Variants in ZFAT observed in about 807,000 individuals in gnomAD.
ZFAT encodes zinc finger and AT-hook domain containing.
In ZFAT, 64 loss-of-function variants were observed where a neutral mutation model predicts 117.7. The ratio of observed to expected loss-of-function variants is 0.54; its 90% CI spans 0.44 to 0.67. The LOEUF (loss-of-function observed/expected upper bound fraction) is 0.67, where lower values mean the gene tolerates loss of function less well. Ranked by LOEUF, ZFAT falls within the 30% of genes least tolerant of loss-of-function variation. The pLI, the probability that ZFAT is intolerant of heterozygous loss-of-function variation, is 0.00. For synonymous variants in ZFAT, 679 were observed against 615.0 expected, an observed-to-expected ratio of 1.10 and a Z score of -1.54; for missense variants, 1,433 against 1,584.5, an observed-to-expected ratio of 0.90 and a Z score of 1.62.
chr8:134,710,817 A>G (rs1207529329), intron 1 of ZFAT, among the ~76,000 whole-genome samples: 2 of 152,234 alleles, frequency 1.3e-5, no homozygotes, highest in Non-Finnish European at 1.5e-5. Flanking sequence ...TCAGCCACAC[A>G]TATGGGCAAT....
In ZFAT at chr8:134,702,008, C is replaced by G. The variant is rs543825649; in HGVS notation, c.19+10837G>C. On this transcript the variant is annotated intron_variant, in intron 1 of 15. Coordinates refer to ENST00000377838, the MANE Select transcript of ZFAT (RefSeq NM_020863.4). ...TTAATGGGTTATGATGGGAGTAGAACTGGTGGCTTTATAAGAAGAGGAAAA... is the reference window on the plus strand; with the variant it reads ...TTAATGGGTTATGATGGGAGTAGAAGTGGTGGCTTTATAAGAAGAGGAAAA... Among the ~76,000 whole-genome samples, 22 of 152,292 alleles carry G rather than the reference C, an allele frequency of 1.4e-4. No individual in the cohort carries two copies. In the South Asian group the frequency reaches 4.6e-3, roughly 32 times the overall value.
rs1273063812 is a variant in ZFAT at position 134,657,679 on chromosome 8, T to A, written c.78A>T (p.Glu26Asp). Reference sequence around the variant, plus strand: ...GCTTCTCTGAAACGTGGGAGAGGAGTTCCGACTGATTTGGTGAGAAGAGGT... The same window carrying A: ...GCTTCTCTGAAACGTGGGAGAGGAGATCCGACTGATTTGGTGAGAAGAGGT... ...CCNLFSPNQS[E>D]LLSHVSEKHM... Residue 26 changes from glutamate (E) to aspartate (D), a missense_variant, in exon 2 of 16, where the codon GAA (glutamate) becomes GAT (aspartate). Glu to Asp is a conservative substitution (Grantham distance 45). Around this residue, in one of 5 missense-constraint regions of ZFAT, gnomAD observed 436 missense variants for 482.0 expected, o/e 0.90. Coordinates refer to ENST00000377838, the MANE Select transcript of ZFAT (RefSeq NM_020863.4). 4 of 1,613,816 alleles carry A rather than the reference T, an allele frequency of 2.5e-6. No homozygotes were observed. In the African/African-American group the frequency reaches 5.3e-5, roughly 22 times the overall value.
intron 15 of ZFAT, among the ~76,000 whole-genome samples, chr8:134,486,177 G>T (rs535713873): frequency 4.4e-4 from 67 of 152,324 alleles, no homozygotes; most frequent in South Asian, 8.3e-4. Flanking sequence ...TACTGGGTTT[G>T]CATCCCTTTG....
At chr8:134,571,363 C>A (rs1217155496) in intron 10 of ZFAT, among the ~76,000 whole-genome samples, 1 of 152,170 alleles carries the variant, frequency 6.6e-6, no homozygotes, top group Non-Finnish European at 1.5e-5. Context: ...GAACACAGCA[C>A]TGGGAAGAAG....
the ZFAT span, among the ~76,000 whole-genome samples, chr8:134,771,930 T>C: frequency 0.46 from 69,834 of 151,800 alleles, 16,818 homozygotes; most frequent in African/African-American, 0.61. Flanking sequence ...AAAGAGAGAG[T>C]TTGTTCAGTG....
intron 12 of ZFAT, 38 bp from the exon 13 acceptor site, chr8:134,521,039 C>T (rs377262371): frequency 3.2e-5 from 48 of 1,499,122 alleles, no homozygotes; most frequent in Middle Eastern, 1.7e-4. Context: ...AAAATGTGTT[C>T]GTAATACAGA....
At chr8:134,790,646 A>G in the ZFAT span, among the ~76,000 whole-genome samples, 1 of 152,196 alleles carries the variant, frequency 6.6e-6, no homozygotes, top group African/African-American at 2.4e-5. Flanking sequence ...ATATATGTAT[A>G]TTGGATCTTC....
intron 13 of ZFAT, among the ~76,000 whole-genome samples, chr8:134,519,391 C>G (rs1311733347): frequency 6.6e-6 from 1 of 152,112 alleles, no homozygotes; most frequent in Non-Finnish European, 1.5e-5. Context: ...TTTCCTGTAT[C>G]AAATGGGGGT....
At position 134,600,553 on chromosome 8, in the gene ZFAT, T is replaced by C; in HGVS notation, c.2358A>G (p.Lys786=). 1.2e-6 allele frequency: 2 copies of C among 1,614,160 alleles called. No individual in the cohort carries two copies. Among genetic ancestry groups the C allele is most frequent in the Non-Finnish European group, 8.5e-7 (1 of 1,180,034 alleles). Residue 786 remains lysine, a synonymous_variant, in exon 7 of 16, where the codon AAA becomes AAG. Transcript: ENST00000377838. ...HYSSITKNCL[K]RHVIQKHSNI... ...TACTGTGTTTCTGAATTACGTGGCGTTTAAGGCAGTTTTTGGTGATGGAAG... is the reference window on the plus strand; with the variant it reads ...TACTGTGTTTCTGAATTACGTGGCGCTTAAGGCAGTTTTTGGTGATGGAAG...
chr8:134,814,557 C>T, the ZFAT span, among the ~76,000 whole-genome samples: 1 of 152,114 alleles, frequency 6.6e-6, no homozygotes, highest in East Asian at 1.9e-4. Context: ...CAAACAAGTG[C>T]AAGAAAGGCC....
At chr8:134,515,032 C>T (rs756472894) in intron 13 of ZFAT, among the ~76,000 whole-genome samples, 5 of 152,164 alleles carry the variant, frequency 3.3e-5, no homozygotes, top group Non-Finnish European at 5.9e-5. Flanking sequence ...TTGTTCAACT[C>T]CCATTTATGA....
intron 2 of ZFAT, among the ~76,000 whole-genome samples, chr8:134,653,664 A>G (rs1207577383): frequency 2.6e-5 from 4 of 152,248 alleles, no homozygotes; most frequent in Admixed American, 1.3e-4. Context: ...TTCACAATGT[A>G]TATGTATATC....
the ZFAT span, among the ~76,000 whole-genome samples, chr8:134,825,183 C>T: frequency 6.6e-6 from 1 of 152,332 alleles, no homozygotes; most frequent in Admixed American, 6.5e-5. Flanking sequence ...ATATGCCTCT[C>T]TTACAATTCA....
the ZFAT span, among the ~76,000 whole-genome samples, chr8:134,798,640 C>T: frequency 6.6e-6 from 1 of 151,890 alleles, no homozygotes; most frequent in African/African-American, 2.4e-5. Context: ...CAAAGTGAGG[C>T]AAATCTGATA....
intron 3 of ZFAT, among the ~76,000 whole-genome samples, chr8:134,626,882 C>T (rs898860551): frequency 1.3e-5 from 2 of 152,228 alleles, no homozygotes; most frequent in African/African-American, 4.8e-5. Flanking sequence ...AAAGGTCATA[C>T]ACAGGTACTT....
intron 3 of ZFAT, among the ~76,000 whole-genome samples, chr8:134,627,014 C>A (rs1276006954): frequency 6.6e-6 from 1 of 152,146 alleles, no homozygotes; most frequent in Non-Finnish European, 1.5e-5. Context: ...GAAAGCTCTG[C>A]CTGCACAAAA....
chr8:134,550,706 G>A (rs372967551), intron 11 of ZFAT, among the ~76,000 whole-genome samples: 2 of 151,934 alleles, frequency 1.3e-5, no homozygotes, highest in African/African-American at 4.8e-5. Flanking sequence ...TTTTCCAGAG[G>A]TGCTTTAAAC....
intron 15 of ZFAT, among the ~76,000 whole-genome samples, chr8:134,495,476 TTCA>T (rs1468140745): frequency 6.6e-6 from 1 of 152,112 alleles, no homozygotes; most frequent in Admixed American, 6.5e-5. Flanking sequence ...GAGCATTCGG[TTCA>T]TCATCATGCC....
At chr8:134,639,494 A>G (rs1390397687) in intron 2 of ZFAT, among the ~76,000 whole-genome samples, 1 of 152,308 alleles carries the variant, frequency 6.6e-6, no homozygotes, top group Non-Finnish European at 1.5e-5. Flanking sequence ...GTACTTAATG[A>G]TAGGAAGGCA....
Sources: allele counts gnomAD v4.1 joint callset (sites outside exome capture counted in the v4.1 genomes callset), GRCh38; gene constraint gnomAD v4.1.1; regional missense constraint gnomAD v4.1.1; transcripts MANE v1.5; gene names NCBI Gene and HGNC (gene_info 2026-07-23, HGNC 2026-07-21).